The following COL25A1 variants were observed in gnomAD, a reference collection of about 807,000 sequenced individuals.
COL25A1 encodes the protein collagen type XXV alpha 1 chain.
Under a neutral mutation model 128.4 loss-of-function variants are expected in COL25A1, and 103 were observed. That is an observed-to-expected ratio of 0.80 (90% CI 0.68 to 0.94). The LOEUF is 0.94. COL25A1 is among the 40% of genes least tolerant of loss of function. The pLI is 0.00. For missense variants in COL25A1, 745 were observed against 840.0 expected (o/e 0.89, Z 1.40); for synonymous variants, 279 against 277.2 (o/e 1.01, Z -0.06).
chr4:109,182,383 A>G (rs1375120087), intron 3 of COL25A1, among the ~76,000 whole-genome samples: 1 of 152,142 alleles, frequency 6.6e-6, no homozygotes, highest in East Asian at 1.9e-4. Flanking sequence ...AGAACAGAGC[A>G]GGAAGCATGT....
chr4:108,943,620 C>G (rs1015939969), intron 8 of COL25A1, among the ~76,000 whole-genome samples: 1 of 152,196 alleles, frequency 6.6e-6, no homozygotes, highest in Non-Finnish European at 1.5e-5. Flanking sequence ...ACAGTTCACA[C>G]AACCCCTTAA....
At chr4:109,223,081 C>T (rs1778537841) in intron 3 of COL25A1, among the ~76,000 whole-genome samples, 1 of 152,164 alleles carries the variant, frequency 6.6e-6, no homozygotes, top group Admixed American at 6.5e-5. Flanking sequence ...CTGAAGGATG[C>T]TTTAGATCTA....
chr4:109,223,891 G>A (rs1287659911), intron 3 of COL25A1, among the ~76,000 whole-genome samples: 1 of 152,136 alleles, frequency 6.6e-6, no homozygotes, highest in African/African-American at 2.4e-5. Flanking sequence ...GTAAGATACT[G>A]ATATCCCTAA....
chr4:108,940,726 T>A, intron 9 of COL25A1, 80 bp from the exon 10 acceptor site: 1 of 868,660 alleles, frequency 1.2e-6, no homozygotes, highest in Non-Finnish European at 1.8e-6. Context: ...CTTAAATTTG[T>A]ATTATCTAAT....
chr4:108,958,213 A>T (rs754354671), intron 8 of COL25A1, among the ~76,000 whole-genome samples: 1 of 152,150 alleles, frequency 6.6e-6, no homozygotes, highest in Admixed American at 6.6e-5. Flanking sequence ...CAATACAACC[A>T]TAAGGGGTAA....
intron 26 of COL25A1, among the ~76,000 whole-genome samples, chr4:108,849,869 A>C (rs1474517838): frequency 1.3e-5 from 2 of 152,214 alleles, no homozygotes; most frequent in African/African-American, 2.4e-5. Flanking sequence ...TATGAGGTAC[A>C]GCATGAAATT....
At chr4:108,815,815 C>T (rs193142366) in intron 37 of COL25A1, among the ~76,000 whole-genome samples, 6 of 152,080 alleles carry the variant, frequency 3.9e-5, no homozygotes, top group Middle Eastern at 3.4e-3. Flanking sequence ...AAAAAGGCAG[C>T]GATTCAGATT....
At chr4:109,269,780 A>C (rs1158820858) in intron 3 of COL25A1, among the ~76,000 whole-genome samples, 1 of 152,202 alleles carries the variant, frequency 6.6e-6, no homozygotes, top group East Asian at 1.9e-4. Context: ...AGAGAATTTT[A>C]GACCAATATC....
chr4:108,841,870 T>C, intron 30 of COL25A1, 149 bp from the exon 31 acceptor site: 1 of 660,814 alleles, frequency 1.5e-6, no homozygotes, highest in Non-Finnish European at 2.6e-6. Context: ...TGTTATTTAT[T>C]ACCCACCAAA....
intron 3 of COL25A1, 83 bp downstream of exon 3, chr4:109,300,500 A>T (rs1326008455): frequency 3.3e-6 from 3 of 897,336 alleles, no homozygotes; most frequent in African/African-American, 3.3e-5. Context: ...TACTATTATT[A>T]CAGGTAGACT....
chr4:108,820,691 T>C (rs1486628500), intron 35 of COL25A1, among the ~76,000 whole-genome samples: 1 of 151,010 alleles, frequency 6.6e-6, no homozygotes, highest in African/African-American at 2.4e-5. Flanking sequence ...TAAATGAGTT[T>C]CCAGCTTACT....
chr4:109,293,033 A>C (rs959412285), intron 3 of COL25A1, among the ~76,000 whole-genome samples: 1 of 152,012 alleles, frequency 6.6e-6, no homozygotes, highest in Non-Finnish European at 1.5e-5. Flanking sequence ...TGCCAGCTGG[A>C]ATCTGGAGTC....
chr4:108,838,418 T>C (rs1475030470), intron 31 of COL25A1, among the ~76,000 whole-genome samples: 1 of 152,174 alleles, frequency 6.6e-6, no homozygotes, highest in African/African-American at 2.4e-5. Flanking sequence ...AATAAAAATA[T>C]GTATGGTTGA....
At chr4:109,123,563 A>G (rs552883984) in intron 3 of COL25A1, among the ~76,000 whole-genome samples, 4 of 152,102 alleles carry the variant, frequency 2.6e-5, no homozygotes, top group African/African-American at 4.8e-5. Flanking sequence ...AATACAAACC[A>G]TAAAGTAAAC....
At chr4:108,999,301 C>T (rs2126025865) in intron 6 of COL25A1, among the ~76,000 whole-genome samples, 1 of 152,192 alleles carries the variant, frequency 6.6e-6, no homozygotes, top group Non-Finnish European at 1.5e-5. Context: ...AAAAAGTGGG[C>T]AAAGGATATG....
At chr4:109,173,821 G>A (rs1773812727) in intron 3 of COL25A1, among the ~76,000 whole-genome samples, 1 of 151,936 alleles carries the variant, frequency 6.6e-6, no homozygotes, top group Non-Finnish European at 1.5e-5. Flanking sequence ...CCATCAGTGA[G>A]GATTTGTATT....
chr4:109,040,520 C>G (rs1286303672), intron 5 of COL25A1, among the ~76,000 whole-genome samples: 1 of 152,158 alleles, frequency 6.6e-6, no homozygotes, highest in Non-Finnish European at 1.5e-5. Context: ...TTTGTAACAG[C>G]ACTTTATTTT....
At chr4:109,019,375 CATATATATAT>C (rs57842656) in intron 5 of COL25A1, among the ~76,000 whole-genome samples, 3 of 48,890 alleles carry the variant, frequency 6.1e-5, no homozygotes, top group Non-Finnish European at 1.0e-4. Flanking sequence ...CACACACACA[CATATATATAT>C]ATATATATAT....
chr4:108,967,131 C>T (rs1407421033), intron 8 of COL25A1, among the ~76,000 whole-genome samples: 1 of 152,086 alleles, frequency 6.6e-6, no homozygotes, highest in East Asian at 1.9e-4. Flanking sequence ...TTTAAATTTT[C>T]TAAGTCTTGG....
Sources: gnomAD v4.1 joint callset for allele counts (sites outside exome capture counted in the v4.1 genomes callset) on GRCh38, gnomAD v4.1.1 for gene constraint, MANE v1.5 for transcripts, NCBI Gene and HGNC (gene_info 2026-07-23, HGNC 2026-07-21) for gene names.